Variants in ENTPD1 observed in about 807,000 individuals in gnomAD.
ENTPD1 encodes ectonucleoside triphosphate diphosphohydrolase 1.
ENTPD1 carries 33 observed loss-of-function variants against 57.0 expected under a neutral mutation model. The observed-to-expected ratio is 0.58, with a 90% CI of 0.44 to 0.77. ENTPD1 has a LOEUF of 0.77. Among genes scored for constraint, ENTPD1 ranks in the 30% least tolerant of loss-of-function variants. The pLI, the probability that ENTPD1 is intolerant of heterozygous loss-of-function variation, is 0.00. For missense variants in ENTPD1, 501 were observed against 603.4 expected, an observed-to-expected ratio of 0.83 and a Z score of 1.78; for synonymous variants, 202 against 218.8, an observed-to-expected ratio of 0.92 and a Z score of 0.68.
the ENTPD1 span, among the ~76,000 whole-genome samples, chr10:95,695,737 A>T: frequency 6.6e-6 from 1 of 152,224 alleles, no homozygotes; most frequent in Non-Finnish European, 1.5e-5. Context: ...AAATTCCAAA[A>T]ATAGTGAGTT....
chr10:95,810,969 T>C lies in ENTPD1; in HGVS notation c.17-12268T>C, dbSNP rs1460712659. On this transcript the variant is annotated intron_variant, in intron 1 of 9. Coordinates refer to ENST00000371205, the MANE Select transcript of ENTPD1 (RefSeq NM_001776.6). ...ACTAGATACTAATCAATTTATAAGA[T>C]TGAGTTTTCATGTTTCTAAAGTGCA... Among the ~76,000 whole-genome samples, 6 of 152,194 alleles carry C rather than the reference T, an allele frequency of 3.9e-5. No individual in the cohort carries two copies. The South Asian group carries it at 8.3e-4, about 21-fold the overall frequency.
At chr10:95,737,372 A>AT (rs2046827430) in intron 1 of ENTPD1, among the ~76,000 whole-genome samples, 1 of 152,096 alleles carries the variant, frequency 6.6e-6, no homozygotes, top group African/African-American at 2.4e-5. Context: ...AATTGACAGT[A>AT]GAAAAAAAAA....
At chr10:95,860,717 T>G in intron 8 of ENTPD1, 135 bp downstream of exon 8, 1 of 728,380 alleles carries the variant, frequency 1.4e-6, no homozygotes, top group Non-Finnish European at 2.4e-6. Flanking sequence ...GACCAGATGG[T>G]GGACTCAGGA....
chr10:95,839,782 A>C lies in ENTPD1; in HGVS notation c.236A>C (p.His79Pro). 8 of 1,614,048 alleles carry C rather than the reference A, an allele frequency of 5.0e-6. No individual in the cohort carries two copies. Among genetic ancestry groups the C allele is most frequent in the Non-Finnish European group, 5.9e-6 (7 of 1,179,990 alleles). ...AAGGAGAATGACACAGGCGTGGTGC[A>C]TCAAGTAGAAGAATGCAGGGTTAAA... Reference protein sequence around the residue: ...AEKENDTGVVHQVEECRVKGP... With the variant: ...AEKENDTGVVPQVEECRVKGP... The change falls in exon 3 of 10, where the codon CAT (histidine) becomes CCT (proline). Residue 79 changes from histidine to proline, a missense_variant. His to Pro is a moderately conservative substitution (Grantham distance 77). Coordinates refer to ENST00000371205, the MANE Select transcript of ENTPD1 (RefSeq NM_001776.6).
Position 95,870,079 on chromosome 10 carries a change from T to C in ENTPD1, c.*3696T>C, listed in dbSNP as rs2098478774. 1.0e-6 allele frequency: 1 copy of C among 985,408 alleles called. No individual in the cohort carries two copies. The highest frequency in any genetic ancestry group is 1.2e-6 in the Non-Finnish European group (1 of 829,890). 61.0% of individuals were successfully genotyped at this position (985,408 alleles called of 1,614,324 possible). Reference sequence around the variant, plus strand: ...AACATTCTTGCTATTATTTATTATATATGACATTATTCCTAAAAAAGCTTT... The same window carrying C: ...AACATTCTTGCTATTATTTATTATACATGACATTATTCCTAAAAAAGCTTT... On this transcript the variant is annotated 3_prime_UTR_variant, in exon 10 of 10. Coordinates refer to ENST00000371205, the MANE Select transcript of ENTPD1 (RefSeq NM_001776.6).
At chr10:95,750,601 G>A (rs2098010692) in intron 1 of ENTPD1, among the ~76,000 whole-genome samples, 1 of 152,090 alleles carries the variant, frequency 6.6e-6, no homozygotes, top group Non-Finnish European at 1.5e-5. Context: ...CCAGTCTCAG[G>A]TATTTCTTTA....
intron 1 of ENTPD1, 47 bp downstream of exon 1, chr10:95,756,302 A>T (rs369264187): frequency 1.3e-6 from 2 of 1,527,786 alleles, no homozygotes; most frequent in African/African-American, 2.8e-5. Context: ...AAAAAAAAAT[A>T]GAAGGAAAAA....
intron 1 of ENTPD1, among the ~76,000 whole-genome samples, chr10:95,811,482 C>T (rs1406815036): frequency 6.6e-6 from 1 of 152,146 alleles, no homozygotes. Flanking sequence ...AACTCTCGAG[C>T]TCAAGCAGTC....
chr10:95,780,984 C>T (rs970745755), intron 1 of ENTPD1, among the ~76,000 whole-genome samples: 1 of 152,112 alleles, frequency 6.6e-6, no homozygotes, highest in South Asian at 2.1e-4. Context: ...GCATTATTCA[C>T]AATAGCTAAG....
At chr10:95,735,219 C>A (rs559459731) in intron 1 of ENTPD1, among the ~76,000 whole-genome samples, 27 of 151,984 alleles carry the variant, frequency 1.8e-4, no homozygotes, top group Admixed American at 3.9e-4. Context: ...TTAGTAGAGA[C>A]GGGGTTTCAC....
chr10:95,724,342 G>A (rs1028997777), intron 1 of ENTPD1, among the ~76,000 whole-genome samples: 6 of 152,110 alleles, frequency 3.9e-5, no homozygotes, highest in African/African-American at 1.4e-4. Context: ...CACTTTGGAT[G>A]TCCCTTCGTG....
chr10:95,801,423 C>T (rs1393262610), intron 1 of ENTPD1, among the ~76,000 whole-genome samples: 1 of 152,098 alleles, frequency 6.6e-6, no homozygotes, highest in Non-Finnish European at 1.5e-5. Context: ...ATATGTCTAG[C>T]CAGTTATCCC....
intron 1 of ENTPD1, among the ~76,000 whole-genome samples, chr10:95,764,974 G>A (rs868507948): frequency 4.0e-5 from 6 of 151,894 alleles, no homozygotes; most frequent in Non-Finnish European, 8.8e-5. Context: ...CACCTGCCTC[G>A]GCCTCCCAAA....
At chr10:95,703,161 A>C in the ENTPD1 span, among the ~76,000 whole-genome samples, 1 of 152,206 alleles carries the variant, frequency 6.6e-6, no homozygotes, top group African/African-American at 2.4e-5. Context: ...CTAAAATTGT[A>C]TACCCAGCAA....
intron 1 of ENTPD1, among the ~76,000 whole-genome samples, chr10:95,774,550 C>G (rs979855808): frequency 1.5e-4 from 23 of 152,022 alleles, no homozygotes; most frequent in Admixed American, 3.3e-4. Context: ...TCTACATATG[C>G]CTAGCCAGTT....
At chr10:95,823,465 A>G (rs992242930) in intron 2 of ENTPD1, 101 bp downstream of exon 2, 11 of 1,559,746 alleles carry the variant, frequency 7.1e-6, no homozygotes, top group Non-Finnish European at 8.8e-6. Context: ...GGACGAGTTG[A>G]GGTTCTAACA....
intron 7 of ENTPD1, among the ~76,000 whole-genome samples, chr10:95,859,059 A>T (rs1051101714): frequency 2.6e-5 from 4 of 152,196 alleles, no homozygotes; most frequent in African/African-American, 9.6e-5. Flanking sequence ...GTTGGGACTG[A>T]AAGTGGAAGA....
At chr10:95,737,001 C>T (rs191758722) in intron 1 of ENTPD1, among the ~76,000 whole-genome samples, 1 of 152,310 alleles carries the variant, frequency 6.6e-6, no homozygotes, top group East Asian at 1.9e-4. Context: ...AAGAGAGCCT[C>T]CACTTGAGTC....
intron 1 of ENTPD1, among the ~76,000 whole-genome samples, chr10:95,768,924 A>G (rs1344496147): frequency 6.6e-6 from 1 of 152,214 alleles, no homozygotes; most frequent in Non-Finnish European, 1.5e-5. Context: ...TTAAGGATGT[A>G]TTAGGGGAGA....
Sources: gnomAD v4.1 joint callset for allele counts (sites outside exome capture counted in the v4.1 genomes callset) on GRCh38, gnomAD v4.1.1 for gene constraint, MANE v1.5 for transcripts, NCBI Gene and HGNC (gene_info 2026-07-23, HGNC 2026-07-21) for gene names.